Variants in HNRNPR observed in about 807,000 individuals in gnomAD.
The protein encoded by HNRNPR is heterogeneous nuclear ribonucleoprotein R.
HNRNPR carries 4 observed loss-of-function variants against 70.3 expected under a neutral mutation model. The observed-to-expected ratio is 0.06, with a 90% CI of 0.03 to 0.13. HNRNPR has a LOEUF of 0.13. Among genes scored for constraint, HNRNPR ranks in the 10% least tolerant of loss-of-function variants. The probability of loss-of-function intolerance (pLI) is 1.00; values close to 1 mark genes in which losing one functional copy is unlikely to be tolerated. For synonymous variants in HNRNPR, 241 were observed against 267.6 expected (o/e 0.90, Z 0.97); for missense variants, 423 against 788.5 (o/e 0.54, Z 5.55).
At chr1:23,334,265 C>T (rs1299417046) in intron 4 of HNRNPR, among the ~76,000 whole-genome samples, 3 of 125,964 alleles carry the variant, frequency 2.4e-5, no homozygotes, top group Non-Finnish European at 4.9e-5. Flanking sequence ...GAGACGGAGT[C>T]TCGCTGTGTC....
intron 9 of HNRNPR, among the ~76,000 whole-genome samples, chr1:23,312,944 T>TAGAAA (rs1456707809): frequency 6.6e-6 from 1 of 152,128 alleles, no homozygotes; most frequent in African/African-American, 2.4e-5. Context: ...CCATTGTCGA[T>TAGAAA]AGAAAGCAGG....
intron 5 of HNRNPR, among the ~76,000 whole-genome samples, chr1:23,330,091 C>A (rs1260061708): frequency 1.3e-5 from 2 of 152,132 alleles, no homozygotes; most frequent in Admixed American, 6.5e-5. Context: ...TTCTGTGACA[C>A]CACCATGAAT....
At chr1:23,329,798 A>C (rs1374872681) in intron 5 of HNRNPR, among the ~76,000 whole-genome samples, 2 of 152,054 alleles carry the variant, frequency 1.3e-5, no homozygotes, top group African/African-American at 4.8e-5. Context: ...TGCCTGGCTA[A>C]TTTTTTATTT....
At chr1:23,339,934 G>A (rs1646648710) in intron 2 of HNRNPR, among the ~76,000 whole-genome samples, 1 of 151,662 alleles carries the variant, frequency 6.6e-6, no homozygotes, top group Admixed American at 6.6e-5. Context: ...AGTTCCTGAG[G>A]ACTGATTTTC....
intron 2 of HNRNPR, 94 bp downstream of exon 2, chr1:23,340,758 C>A: frequency 9.8e-7 from 1 of 1,016,430 alleles, no homozygotes; most frequent in South Asian, 1.7e-5. Context: ...AGATCAGAAA[C>A]AATAAGTATT....
chr1:23,338,642 C>T (rs758883002), intron 2 of HNRNPR, 34 bp from the exon 3 acceptor site: 4 of 1,035,610 alleles, frequency 3.9e-6, no homozygotes, highest in Non-Finnish European at 2.9e-6. Context: ...AACGTTATTG[C>T]AACAAAAGGG....
chr1:23,311,380 T>C (rs1297370003), intron 9 of HNRNPR, 58 bp from the exon 10 acceptor site: 11 of 1,148,726 alleles, frequency 9.6e-6, no homozygotes, highest in South Asian at 1.4e-5. Context: ...TTGTTTTATA[T>C]AGTATGTAAG....
chr1:23,338,747 A>G, intron 2 of HNRNPR, 139 bp from the exon 3 acceptor site: 1 of 460,696 alleles, frequency 2.2e-6, no homozygotes, highest in Non-Finnish European at 3.9e-6. Context: ...GCATATACGC[A>G]GCTATCCAAA....
intron 8 of HNRNPR, among the ~76,000 whole-genome samples, chr1:23,317,079 T>C (rs1027947479): frequency 6.6e-6 from 1 of 152,178 alleles, no homozygotes; most frequent in African/African-American, 2.4e-5. Context: ...AATCCAACCA[T>C]TAACTCATGG....
intron 7 of HNRNPR, among the ~76,000 whole-genome samples, chr1:23,319,244 AT>A (rs765424575): frequency 6.6e-6 from 1 of 152,090 alleles, no homozygotes; most frequent in East Asian, 1.9e-4. Context: ...AAATACTTAG[AT>A]TTTTTTCCTA....
intron 5 of HNRNPR, among the ~76,000 whole-genome samples, chr1:23,323,942 T>C (rs577016462): frequency 1.3e-5 from 2 of 151,998 alleles, no homozygotes; most frequent in Admixed American, 6.6e-5. Flanking sequence ...TCTTGAAAAA[T>C]GGAAACTAAT....
chr1:23,336,980 G>A (rs1370441668), intron 4 of HNRNPR, among the ~76,000 whole-genome samples: 7 of 152,024 alleles, frequency 4.6e-5, no homozygotes, highest in Non-Finnish European at 1.0e-4. Context: ...CTTTATATAT[G>A]TTAATTCATT....
At chr1:23,335,851 C>G (rs1355515599) in intron 4 of HNRNPR, among the ~76,000 whole-genome samples, 1 of 152,104 alleles carries the variant, frequency 6.6e-6, no homozygotes, top group Non-Finnish European at 1.5e-5. Context: ...GGCGCGGTGG[C>G]TCACGCCTGT....
rs1340888329 is a variant in HNRNPR at position 23,308,247 on chromosome 1, A to T, written c.*2207T>A. The T allele has an allele frequency of 6.6e-6, 1 of 152,068 alleles. No individual in the cohort carries two copies. The highest frequency in any genetic ancestry group is 2.4e-5 in the African/African-American group (1 of 41,440). The allele number at this position is 152,068 out of a possible 1,614,324, so 9.4% of individuals were successfully genotyped here. ...AAAATATAATTTGCAATTAAAGGAA[A>T]GGATTTTGACATGGAACCCAAGTTT... On this transcript the variant is annotated 3_prime_UTR_variant, in exon 11 of 11. Transcript: ENST00000302271.
intron 5 of HNRNPR, 71 bp downstream of exon 5, chr1:23,333,447 C>G: frequency 1.1e-6 from 1 of 876,800 alleles, no homozygotes; most frequent in African/African-American, 1.6e-5. Context: ...CCCGTCTGTA[C>G]AGTATCTGCA....
chr1:23,338,021 G>A, intron 3 of HNRNPR, 160 bp from the exon 4 acceptor site: 4 of 587,388 alleles, frequency 6.8e-6, no homozygotes, highest in Non-Finnish European at 1.2e-5. Flanking sequence ...CCAGAGATTG[G>A]AGCAGACAGC....
chr1:23,313,261 A>G (rs1645405960), intron 9 of HNRNPR, among the ~76,000 whole-genome samples: 1 of 152,186 alleles, frequency 6.6e-6, no homozygotes, highest in African/African-American at 2.4e-5. Flanking sequence ...CAGTGTTTAC[A>G]GCAGCTAATT....
At chr1:23,312,128 T>TA (rs1304147386) in intron 9 of HNRNPR, among the ~76,000 whole-genome samples, 2 of 152,058 alleles carry the variant, frequency 1.3e-5, no homozygotes, top group East Asian at 3.8e-4. Flanking sequence ...TGGGCACACA[T>TA]AAAAAAATGT....
Position 23,333,697 on chromosome 1 carries a change from A to T in HNRNPR, c.385-66T>A, listed in dbSNP as rs1450707017. On this transcript the variant is annotated intron_variant, in intron 4 of 10. Transcript: ENST00000302271. ...TCTCACACACAAGCATCAGTGTATT[A>T]ATCTTTTCCAAAAAGGACTCCAACT... The T allele has an allele frequency of 4.4e-6, 4 of 903,344 alleles. No homozygotes were observed. In the East Asian group the frequency reaches 9.8e-5, roughly 22 times the overall value. 56.0% of individuals were successfully genotyped at this position (903,344 alleles called of 1,614,324 possible).
Sources: gnomAD v4.1 joint callset for allele counts (sites outside exome capture counted in the v4.1 genomes callset) on GRCh38, gnomAD v4.1.1 for gene constraint, MANE v1.5 for transcripts, NCBI Gene and HGNC (gene_info 2026-07-23, HGNC 2026-07-21) for gene names.